THUMPD3: variants seen among roughly 807,000 people sequenced by gnomAD.
THUMPD3 encodes the protein THUMP domain 3 tRNA guanosine methyltransferase.
A neutral mutation model predicts 54.5 loss-of-function variants in THUMPD3; 44 were observed. The ratio of observed to expected loss-of-function variants is 0.81; its 90% confidence interval spans 0.63 to 1.04. The LOEUF (loss-of-function observed/expected upper bound fraction) is 1.04, where lower values mean the gene tolerates loss of function less well. THUMPD3 is among the 50% of genes least tolerant of loss of function. The probability of loss-of-function intolerance (pLI) is 0.00; values close to 1 mark genes in which losing one functional copy is unlikely to be tolerated. For missense variants in THUMPD3, 604 were observed against 601.3 expected, an observed-to-expected ratio of 1.00 and a Z score of -0.05; for synonymous variants, 196 against 201.4, an observed-to-expected ratio of 0.97 and a Z score of 0.23.
rs773638388 is a variant in THUMPD3 at position 9,384,244 on chromosome 3, A to T, written c.1268A>T (p.Tyr423Phe). 6.2e-7 allele frequency: 1 copy of T among 1,614,202 alleles called. No individual in the cohort carries two copies. Among genetic ancestry groups the T allele is most frequent in the South Asian group, 1.1e-5 (1 of 91,088 alleles). ...MGSKKRNWNL[Y>F]PACLREMSRV... is the part of the protein sequence containing the mutation. ...TCCAAGAAGAGAAACTGGAACCTTTATCCAGCTTGCCTACGGGAGATGAGC... is the reference window on the plus strand; with the variant it reads ...TCCAAGAAGAGAAACTGGAACCTTTTTCCAGCTTGCCTACGGGAGATGAGC... The change falls in exon 9 of 10, where the codon TAT (tyrosine) becomes TTT (phenylalanine). Residue 423 changes from tyrosine (Y) to phenylalanine (F), a missense_variant. By Grantham distance (22) the Tyr-to-Phe change is conservative. Coordinates refer to ENST00000452837, the MANE Select transcript of THUMPD3 (RefSeq NM_001114092.2).
intron 8 of THUMPD3, 101 bp downstream of exon 8, chr3:9,383,410 A>C: frequency 2.4e-6 from 2 of 829,174 alleles, no homozygotes; most frequent in Non-Finnish European, 4.0e-6. Flanking sequence ...CAGACTTAGC[A>C]GAGCTGTTTT....
At chr3:9,369,584 G>A (rs2031867895) in intron 3 of THUMPD3, among the ~76,000 whole-genome samples, 1 of 152,166 alleles carries the variant, frequency 6.6e-6, no homozygotes, top group Non-Finnish European at 1.5e-5. Context: ...GATTAGGAAT[G>A]TTCAACCTAT....
At chr3:9,381,981 C>T (rs2032953743) in intron 7 of THUMPD3, among the ~76,000 whole-genome samples, 1 of 151,242 alleles carries the variant, frequency 6.6e-6, no homozygotes, top group South Asian at 2.1e-4. Flanking sequence ...GACGGGTTTT[C>T]ACCATGTTAG....
In THUMPD3 at chr3:9,374,582, C is replaced by A. The variant is rs370358040; in HGVS notation, c.874C>A (p.Arg292=). The change falls in exon 5 of 10, where the codon CGA becomes AGA. Residue 292 remains arginine (R), a synonymous_variant. Transcript: ENST00000452837. ...GIALTEESLH[R]RNITHFGPTT... is the part of the protein sequence containing the mutation. ...TGCATTGACTGAAGAGAGTCTCCAC[C>A]GAAGAAATATAACACATTTTGGACC... The A allele has an allele frequency of 1.9e-6, 3 of 1,613,868 alleles. No homozygotes were observed. The highest frequency in any genetic ancestry group is 1.1e-5 in the South Asian group (1 of 91,078).
Position 9,383,264 on chromosome 3 carries a change from C to T in THUMPD3, c.1190C>T (p.Thr397Ile). 3 of 1,614,078 alleles carry T rather than the reference C, an allele frequency of 1.9e-6. No individual in the cohort carries two copies. The African/African-American group carries it at 4.0e-5, about 22-fold the overall frequency. Residue 397 changes from threonine (T) to isoleucine (I), a missense_variant, in exon 8 of 10, where the codon ACT (threonine) becomes ATT (isoleucine). Coordinates refer to ENST00000452837, the MANE Select transcript of THUMPD3 (RefSeq NM_001114092.2). ...GATATCTGCAATCTGCCATTGAGAA[C>T]TGGCTCTGTGGATATTATTGTAACA... ...QWDICNLPLR[T>I]GSVDIIVTDL...
chr3:9,382,417 CT>C (rs2032996807), intron 7 of THUMPD3, among the ~76,000 whole-genome samples: 1 of 151,954 alleles, frequency 6.6e-6, no homozygotes, highest in South Asian at 2.1e-4. Flanking sequence ...TTTATCTTAA[CT>C]TTTTTCTTAG....
intron 3 of THUMPD3, among the ~76,000 whole-genome samples, chr3:9,368,960 T>C (rs1559300895): frequency 3.9e-5 from 6 of 152,172 alleles, no homozygotes; most frequent in Non-Finnish European, 8.8e-5. Context: ...AAGTTGAGTA[T>C]CCCTTATCTG....
At chr3:9,366,367 A>C (rs1378728698) in intron 2 of THUMPD3, among the ~76,000 whole-genome samples, 2 of 152,178 alleles carry the variant, frequency 1.3e-5, no homozygotes, top group Admixed American at 6.5e-5. Flanking sequence ...TCTGGCATAT[A>C]GTAGGTACCC....
At chr3:9,383,531 T>C (rs1224628907) in intron 8 of THUMPD3, among the ~76,000 whole-genome samples, 2 of 152,190 alleles carry the variant, frequency 1.3e-5, no homozygotes, top group Admixed American at 6.5e-5. Context: ...TTAAATTACC[T>C]GTAATTCACT....
intron 8 of THUMPD3, among the ~76,000 whole-genome samples, chr3:9,383,786 G>C (rs2033108279): frequency 6.6e-6 from 1 of 152,042 alleles, no homozygotes; most frequent in Non-Finnish European, 1.5e-5. Context: ...ATCATGCCCA[G>C]CTTATTTTTG....
At chr3:9,365,376 T>C (rs1231044139) in intron 2 of THUMPD3, 56 bp downstream of exon 2, 1 of 1,588,202 alleles carries the variant, frequency 6.3e-7, no homozygotes. Context: ...TTATGGTTAC[T>C]TTTCATTTTA....
At chr3:9,379,855 C>A (rs2032743323) in intron 6 of THUMPD3, among the ~76,000 whole-genome samples, 1 of 152,042 alleles carries the variant, frequency 6.6e-6, no homozygotes, top group Non-Finnish European at 1.5e-5. Flanking sequence ...TCACACCCAG[C>A]TGATTTTTGT....
rs117852114 is a variant in THUMPD3, at chr3:9,377,722, G to A, written c.939-97G>A. The A allele has an allele frequency of 2.4e-5, 21 of 891,808 alleles. No individual in the cohort carries two copies. The East Asian group carries it at 5.0e-4, about 21-fold the overall frequency. 55.2% of individuals were successfully genotyped at this position (891,808 alleles called of 1,614,324 possible). On this transcript the variant is annotated intron_variant, in intron 5 of 9. Transcript: ENST00000452837. The stretch of plus-strand genomic sequence containing the variant: ...TGTAGATTGGTGTTCCTTCGGGCTA[G>A]TGTGGTAGGTCCTCAATCTTAAAGC...
At chr3:9,364,251 C>T (rs145593082) in intron 1 of THUMPD3, among the ~76,000 whole-genome samples, 11 of 152,060 alleles carry the variant, frequency 7.2e-5, no homozygotes, top group African/African-American at 2.7e-4. Flanking sequence ...TGCCATAAGT[C>T]ATTCAACCTA....
At chr3:9,367,247 T>A (rs2031639194) in intron 3 of THUMPD3, among the ~76,000 whole-genome samples, 1 of 152,236 alleles carries the variant, frequency 6.6e-6, no homozygotes, top group Non-Finnish European at 1.5e-5. Flanking sequence ...AACCTTAGAT[T>A]TGCTTTGCTT....
chr3:9,366,185 T>C (rs1271925807), intron 2 of THUMPD3, among the ~76,000 whole-genome samples: 1 of 152,168 alleles, frequency 6.6e-6, no homozygotes, highest in East Asian at 1.9e-4. Flanking sequence ...TTAATTTGCA[T>C]CAAAAATTCT....
chr3:9,363,257 G>A (rs1352157550), intron 1 of THUMPD3, 130 bp downstream of exon 1: 2 of 152,264 alleles, frequency 1.3e-5, no homozygotes, highest in Non-Finnish European at 2.9e-5. Context: ...TCGTGGCGGA[G>A]CCCATCTTGC....
chr3:9,375,971 A>T (rs911751758), intron 5 of THUMPD3, among the ~76,000 whole-genome samples: 1 of 152,228 alleles, frequency 6.6e-6, no homozygotes, highest in Non-Finnish European at 1.5e-5. Flanking sequence ...CTTCTCTTCC[A>T]ATCTTTTATC....
rs745894236 is a variant in THUMPD3, at chr3:9,365,077, C to A, written c.9C>A (p.Asp3Glu). 6.2e-7 allele frequency: 1 copy of A among 1,613,888 alleles called. No individual in the cohort carries two copies. Among genetic ancestry groups the A allele is most frequent in the Non-Finnish European group, 8.5e-7 (1 of 1,179,810 alleles). ...TTGGAAGCACAGCCAACATGTGTGACATTGAAGAAGCCACTAACCAACTCC... is the reference window on the plus strand; with the variant it reads ...TTGGAAGCACAGCCAACATGTGTGAAATTGAAGAAGCCACTAACCAACTCC... MC[D>E]IEEATNQLLD... is the part of the protein sequence containing the mutation. Residue 3 changes from aspartate to glutamate, a missense_variant, in exon 2 of 10, where the codon GAC (aspartate) becomes GAA (glutamate). Transcript: ENST00000452837.
Sources: gnomAD v4.1 joint callset for allele counts (sites outside exome capture counted in the v4.1 genomes callset) on GRCh38, gnomAD v4.1.1 for gene constraint, MANE v1.5 for transcripts, NCBI Gene and HGNC (gene_info 2026-07-23, HGNC 2026-07-21) for gene names.